The following RFX1 variants were observed in gnomAD, a reference collection of about 807,000 sequenced individuals.
RFX1 encodes the protein MHC class II regulatory factor RFX1.
A neutral mutation model predicts 119.6 loss-of-function variants in RFX1; 42 were observed. That is an observed-to-expected ratio of 0.35 (90% CI 0.27 to 0.45). The LOEUF is 0.45. RFX1 is among the 20% of genes least tolerant of loss of function. The pLI, the probability that RFX1 is intolerant of heterozygous loss-of-function variation, is 1.00. For missense variants in RFX1, 1,118 were observed against 1,368.1 expected, an observed-to-expected ratio of 0.82 and a Z score of 2.88; for synonymous variants, 628 against 618.5, an observed-to-expected ratio of 1.02 and a Z score of -0.23.
chr19:13,962,232 AGT>A lies in RFX1; in HGVS notation c.*461_*462del, dbSNP rs1156634982. On this transcript the variant is annotated 3_prime_UTR_variant, in exon 21 of 21. Transcript: ENST00000254325. ...AGGGTGTCCCGGGGCTGCTGCTGAC[AGT>A]GGGGAGTCCCCAGGTGACGCCCACC... The A allele has an allele frequency of 6.2e-6, 1 of 162,376 alleles. No individual in the cohort carries two copies. The highest frequency in any genetic ancestry group is 6.3e-5 in the Admixed American group (1 of 15,942). The allele number at this position is 162,376 out of a possible 1,614,324, so 10.1% of individuals were successfully genotyped here. A position where few individuals can be genotyped will look rare whatever the true frequency, so the allele number is the denominator to read the frequency against.
chr19:13,986,908 T>C lies in RFX1; in HGVS notation c.320-3313A>G, dbSNP rs887113685. 6.6e-6 allele frequency among the ~76,000 whole-genome samples: 1 copy of C among 152,054 alleles called. No homozygotes were observed. Among genetic ancestry groups the C allele is most frequent in the Non-Finnish European group, 1.5e-5 (1 of 67,968 alleles). On this transcript the variant is annotated intron_variant, in intron 2 of 20. Transcript: ENST00000254325. The surrounding 1 kb of genome is among the most constrained non-coding windows in gnomAD (Gnocchi z 4.2). ...ATAGACAGATGGGGCCACCTGACCC[T>C]CTGCCTCCTGCCCCTGGGCTCCCTG...
chr19:13,997,581 C>T (rs114734807), intron 1 of RFX1, among the ~76,000 whole-genome samples: 4 of 152,338 alleles, frequency 2.6e-5, no homozygotes, highest in Non-Finnish European at 4.4e-5. Context: ...TGCTGCCTTC[C>T]AGCCTCCAGA....
intron 1 of RFX1, among the ~76,000 whole-genome samples, chr19:14,004,306 A>G (rs1056818526): frequency 1.3e-5 from 2 of 152,134 alleles, no homozygotes; most frequent in African/African-American, 4.8e-5. Flanking sequence ...TCAAGAGATC[A>G]AGACCATCCT....
chr19:13,975,545 T>C (rs1321976651), intron 8 of RFX1, among the ~76,000 whole-genome samples: 6 of 151,884 alleles, frequency 4.0e-5, no homozygotes, highest in Non-Finnish European at 8.8e-5. Context: ...TTGTCACACA[T>C]CAGGTCCAGC....
chr19:13,991,389 C>A lies in RFX1; in HGVS notation c.319+2136G>T, dbSNP rs1461890548. On this transcript the variant is annotated intron_variant, in intron 2 of 20. Coordinates refer to ENST00000254325, the MANE Select transcript of RFX1 (RefSeq NM_002918.5). Reference sequence around the variant, plus strand: ...CTGAGAACCCACCAGAGGTTTGTGGCCTGAAGACCCTGCCCATGACTGCAG... The same window carrying A: ...CTGAGAACCCACCAGAGGTTTGTGGACTGAAGACCCTGCCCATGACTGCAG... Among the ~76,000 whole-genome samples the A allele has an allele frequency of 2.6e-5, 4 of 152,334 alleles. No homozygotes were observed. In the East Asian group the frequency reaches 7.7e-4, roughly 29 times the overall value.
intron 1 of RFX1, among the ~76,000 whole-genome samples, chr19:14,004,588 C>T (rs996936657): frequency 2.6e-5 from 4 of 152,242 alleles, no homozygotes; most frequent in South Asian, 2.1e-4. Flanking sequence ...TTAATCTCCA[C>T]CTGTCCTAAC....
chr19:13,983,334 G>T, intron 3 of RFX1, 64 bp from the exon 4 acceptor site: 1 of 1,391,296 alleles, frequency 7.2e-7, no homozygotes. Context: ...GCGTGGTTGG[G>T]TGGCGGGCGG....
Position 13,973,102 on chromosome 19 carries a change from C to G in RFX1, c.955G>C (p.Glu319Gln). 1 of 1,597,886 alleles carries G rather than the reference C, an allele frequency of 6.3e-7. No individual in the cohort carries two copies. The highest frequency in any genetic ancestry group is 8.5e-7 in the Non-Finnish European group (1 of 1,179,592). ...AIRSSTYSYP[E>Q]TPLYTQTAST... The stretch of plus-strand genomic sequence containing the variant: ...GCCGTCTGCGTGTACAGCGGCGTCT[C>G]GGGATAGGAGTAGGTGCTGGAACGG... Residue 319 changes from glutamate (E) to glutamine (Q), a missense_variant, in exon 9 of 21, where the codon GAG (glutamate) becomes CAG (glutamine). Glu to Gln is a conservative substitution (Grantham distance 29). This residue lies in a region of RFX1 where 542 missense variants were observed against 602.7 expected (regional missense o/e 0.90). Coordinates refer to ENST00000254325, the MANE Select transcript of RFX1 (RefSeq NM_002918.5).
At position 13,983,553 on chromosome 19, in the gene RFX1, G is replaced by C. The variant is rs753999610; in HGVS notation, c.362C>G (p.Pro121Arg). The C allele has an allele frequency of 6.2e-7, 1 of 1,611,048 alleles. No homozygotes were observed. Among genetic ancestry groups the C allele is most frequent in the Non-Finnish European group, 8.5e-7 (1 of 1,179,486 alleles). ...RASETVSEAS[P>R]GSTASQTGVP... ...GCCGGTCTGGCTGGCGGTGGAGCCG[G>C]GGCTGGCCTCCGACACTGTCTCGCT... The change falls in exon 3 of 21, where the codon CCC becomes CGC. Residue 121 changes from proline to arginine, a missense_variant. This residue lies in a region of RFX1 where 542 missense variants were observed against 602.7 expected (regional missense o/e 0.90). Coordinates refer to ENST00000254325, the MANE Select transcript of RFX1 (RefSeq NM_002918.5).
In RFX1 at chr19:13,962,707, C is replaced by A; in HGVS notation, c.2928G>T (p.Leu976=). ...TDARGLFVQA[L]PSS is the part of the protein sequence containing the mutation. The stretch of plus-strand genomic sequence containing the variant: ...GGAGGCCAAGGGCTTAGCTGGAGGG[C>A]AGCGCCTGCACGAAGAGGCCGCGCG... The change falls in exon 21 of 21, where the codon CTG becomes CTT. Residue 976 remains leucine (L), a synonymous_variant. Transcript: ENST00000254325. 6.5e-7 allele frequency: 1 copy of A among 1,527,326 alleles called. No homozygotes were observed. The highest frequency in any genetic ancestry group is 8.7e-7 in the Non-Finnish European group (1 of 1,143,268). The allele number at this position is 1,527,326 out of a possible 1,614,324, so 94.6% of individuals were successfully genotyped here. A position where few individuals can be genotyped will look rare whatever the true frequency, so the allele number is the denominator to read the frequency against.
rs1255907596 is a variant in RFX1, at chr19:13,962,017, G to C, written c.*678C>G. 6.6e-6 allele frequency: 1 copy of C among 152,238 alleles called. No homozygotes were observed. Among genetic ancestry groups the C allele is most frequent in the Non-Finnish European group, 1.5e-5 (1 of 68,078 alleles). 9.4% of individuals were successfully genotyped at this position (152,238 alleles called of 1,614,324 possible). A position where few individuals can be genotyped will look rare whatever the true frequency, so the allele number is the denominator to read the frequency against. ...GGGCTGGGGTCTGTGGGCACTCCCC[G>C]GCTCCGCGGCTCGCTGCTCTTTGGA... is the stretch of plus-strand genomic sequence containing the variant. On this transcript the variant is annotated 3_prime_UTR_variant, in exon 21 of 21. Transcript: ENST00000254325.
At chr19:13,962,928 C>T in intron 20 of RFX1, 64 bp from the exon 21 acceptor site, 1 of 1,546,268 alleles carries the variant, frequency 6.5e-7, no homozygotes, top group Non-Finnish European at 8.7e-7. Context: ...TCCTCCTCCT[C>T]CCGAGCCCCT....
intron 8 of RFX1, 76 bp downstream of exon 8, chr19:13,977,916 G>A: frequency 8.7e-7 from 1 of 1,148,692 alleles, no homozygotes; most frequent in East Asian, 2.4e-5. Flanking sequence ...CTGGGACTGG[G>A]GACTGGTGTC....
chr19:13,989,787 C>T (rs564780386), intron 2 of RFX1, among the ~76,000 whole-genome samples: 4 of 152,024 alleles, frequency 2.6e-5, no homozygotes, highest in Non-Finnish European at 5.9e-5. Flanking sequence ...GAACCTGCTC[C>T]CTCTGGCTGC....
In RFX1 at chr19:13,962,947, C is replaced by T. The variant is rs1234273588; in HGVS notation, c.2770+47G>A. The T allele has an allele frequency of 1.9e-6, 3 of 1,547,830 alleles. No individual in the cohort carries two copies. The South Asian group carries it at 3.6e-5, about 18-fold the overall frequency. ...CCTCCTCCCGAGCCCCTCCGTTGTC[C>T]GCCACCCCCGGGACCCGCGCCCTGG... On this transcript the variant is annotated intron_variant, in intron 20 of 20. Transcript: ENST00000254325.
At position 13,966,800 on chromosome 19, in the gene RFX1, C is replaced by T. The variant is rs1973918480; in HGVS notation, c.1733-49G>A. 2 of 1,305,850 alleles carry T rather than the reference C, an allele frequency of 1.5e-6. No individual in the cohort carries two copies. The highest frequency in any genetic ancestry group is 2.2e-6 in the Non-Finnish European group (2 of 926,604). 80.9% of individuals were successfully genotyped at this position (1,305,850 alleles called of 1,614,324 possible). The stretch of plus-strand genomic sequence containing the variant: ...AGGCCCTTCATCCCCCTTGCCTGCC[C>T]ACCCTGGGGTCCTACTGACCTGTCC... On this transcript the variant is annotated intron_variant, in intron 12 of 20. Transcript: ENST00000254325. The surrounding 1 kb of genome is among the most constrained non-coding windows in gnomAD (Gnocchi z 6.3).
intron 2 of RFX1, among the ~76,000 whole-genome samples, chr19:13,989,870 G>T (rs1465114925): frequency 6.8e-6 from 1 of 147,632 alleles, no homozygotes; most frequent in Non-Finnish European, 1.5e-5. Context: ...GGCGGGGGGG[G>T]TTCTGGAAGA....
At chr19:13,974,180 G>A (rs182997283) in intron 8 of RFX1, among the ~76,000 whole-genome samples, 2 of 152,228 alleles carry the variant, frequency 1.3e-5, no homozygotes, top group East Asian at 3.9e-4. Context: ...AACAGAAGGT[G>A]ATCAGGCAGT....
intron 9 of RFX1, among the ~76,000 whole-genome samples, chr19:13,971,691 T>G (rs1048025772): frequency 6.6e-6 from 1 of 151,704 alleles, no homozygotes; most frequent in African/African-American, 2.4e-5. Context: ...GGCAACAGAG[T>G]GAGATCCTGT....
Sources: allele counts gnomAD v4.1 joint callset (sites outside exome capture counted in the v4.1 genomes callset), GRCh38; gene constraint gnomAD v4.1.1; regional missense constraint gnomAD v4.1.1; non-coding constraint Gnocchi (gnomAD v3.1); transcripts MANE v1.5; gene names NCBI Gene and HGNC (gene_info 2026-07-23, HGNC 2026-07-21).